KIF26B: variants seen among roughly 807,000 people sequenced by gnomAD.
KIF26B encodes the protein kinesin-like protein KIF26B.
In KIF26B, 63 loss-of-function variants were observed where a neutral mutation model predicts 151.2. That is an observed-to-expected ratio of 0.42 (90% CI 0.34 to 0.51). The LOEUF (loss-of-function observed/expected upper bound fraction) is 0.51. Ranked by LOEUF, KIF26B falls within the 20% of genes least tolerant of loss-of-function variation. The pLI, the probability that KIF26B is intolerant of heterozygous loss-of-function variation, is 0.07. For synonymous variants in KIF26B, 1,357 were observed against 1,262.1 expected, an observed-to-expected ratio of 1.08 and a Z score of -1.59; for missense variants, 2,813 against 2,913.6, an observed-to-expected ratio of 0.97 and a Z score of 0.79.
chr1:245,284,639 A>G (rs1477774004), intron 2 of KIF26B, among the ~76,000 whole-genome samples: 1 of 152,212 alleles, frequency 6.6e-6, no homozygotes, highest in Non-Finnish European at 1.5e-5. Context: ...TTAGATTCCT[A>G]TACTTCTAAA....
intron 2 of KIF26B, among the ~76,000 whole-genome samples, chr1:245,221,377 T>TAAAAA (rs74163026): frequency 7.6e-6 from 1 of 132,006 alleles, no homozygotes. Context: ...AAGTTTGAAG[T>TAAAAA]AAAAAAAAAA....
rs995179589 is a variant in KIF26B, at chr1:245,572,104, C to T, written c.1351-30473C>T. Among the ~76,000 whole-genome samples the T allele has an allele frequency of 2.0e-5, 3 of 152,274 alleles. No individual in the cohort carries two copies. Among genetic ancestry groups the T allele is most frequent in the South Asian group, 2.1e-4 (1 of 4,818 alleles). On this transcript the variant is annotated intron_variant, in intron 5 of 14. Transcript: ENST00000407071. The surrounding 1 kb of genome is among the most constrained non-coding windows in gnomAD (Gnocchi z 4.2). ...GCACAGAGTCCAGATCTCACGACCT[C>T]GCTTTGCAAAGGCTACAAGACCAAG...
At chr1:245,350,460 C>T (rs554558738) in intron 2 of KIF26B, among the ~76,000 whole-genome samples, 1 of 152,232 alleles carries the variant, frequency 6.6e-6, no homozygotes, top group East Asian at 1.9e-4. Context: ...TCCTGAAGAA[C>T]GTGTTGATTC....
At chr1:245,625,573 T>C (rs1268626327) in intron 9 of KIF26B, among the ~76,000 whole-genome samples, 2 of 152,218 alleles carry the variant, frequency 1.3e-5, no homozygotes, top group Non-Finnish European at 1.5e-5. Context: ...TGATGATCAA[T>C]CAGGGAATTT....
At chr1:245,319,559 G>C (rs1425238186) in intron 2 of KIF26B, among the ~76,000 whole-genome samples, 1 of 150,802 alleles carries the variant, frequency 6.6e-6, no homozygotes, top group African/African-American at 2.4e-5. Context: ...ATGTTTTCCT[G>C]TATCTGGATT....
chr1:245,660,573 T>C (rs558515759), intron 10 of KIF26B, among the ~76,000 whole-genome samples: 39 of 152,100 alleles, frequency 2.6e-4, no homozygotes, highest in Non-Finnish European at 5.3e-4. Flanking sequence ...ATTCCTGAGC[T>C]CAAGTGATCC....
In KIF26B at chr1:245,583,281, C is replaced by T. The variant is rs144776406; in HGVS notation, c.1351-19296C>T. Among the ~76,000 whole-genome samples, 100 of 152,276 alleles carry T rather than the reference C, an allele frequency of 6.6e-4. 2 individuals are homozygous for T. The highest frequency in any genetic ancestry group is 5.9e-4 in the Admixed American group (9 of 15,300). ...CTGAGCTCCAGTGGTGTGAAAGGCA[C>T]GTGAGCGATGCTGGGCTTGTGGAGA... On this transcript the variant is annotated intron_variant, in intron 5 of 14. Coordinates refer to ENST00000407071, the MANE Select transcript of KIF26B (RefSeq NM_018012.4).
At chr1:245,695,429 G>C (rs180768738) in intron 12 of KIF26B, among the ~76,000 whole-genome samples, 1 of 152,282 alleles carries the variant, frequency 6.6e-6, no homozygotes, top group Non-Finnish European at 1.5e-5. Flanking sequence ...AGACAGGCGC[G>C]GGGAGAGGGA....
At chr1:245,665,999 CTTTTT>C (rs33957488) in intron 10 of KIF26B, among the ~76,000 whole-genome samples, 2 of 107,412 alleles carry the variant, frequency 1.9e-5, no homozygotes, top group Middle Eastern at 8.1e-3. Context: ...ACATTATGTC[CTTTTT>C]TTTTTTTTTT....
rs148999475 is a variant in KIF26B at position 245,540,330 on chromosome 1, G to A, written c.1167-437G>A. Among the ~76,000 whole-genome samples, 221 of 152,190 alleles carry A rather than the reference G, an allele frequency of 1.5e-3. 3 individuals are homozygous for A. The East Asian group carries it at 0.027, about 19-fold the overall frequency. ...GCATGCCTTGACTGGTCTCCACATC[G>A]TTCTTCATCAGACTGGTTTGGATTT... On this transcript the variant is annotated intron_variant, in intron 4 of 14. Coordinates refer to ENST00000407071, the MANE Select transcript of KIF26B (RefSeq NM_018012.4). The surrounding 1 kb of genome is among the most constrained non-coding windows in gnomAD (Gnocchi z 4.6).
At chr1:245,689,274 C>T (rs542290014) in intron 12 of KIF26B, among the ~76,000 whole-genome samples, 1 of 152,212 alleles carries the variant, frequency 6.6e-6, no homozygotes, top group African/African-American at 2.4e-5. Flanking sequence ...GGTTTACAGC[C>T]TGTTGAGGGA....
At chr1:245,600,246 G>T (rs1476800039) in intron 5 of KIF26B, among the ~76,000 whole-genome samples, 4 of 127,242 alleles carry the variant, frequency 3.1e-5, no homozygotes, top group South Asian at 5.2e-4. Flanking sequence ...CACCGTGTTA[G>T]CCAGGATGGT....
intron 2 of KIF26B, chr1:245,282,851 C>T (rs1258373256): frequency 2.7e-5 from 6 of 225,660 alleles, no homozygotes; most frequent in Non-Finnish European, 4.9e-5. Context: ...TGTCTGTGAG[C>T]AGCAATTATT....
At chr1:245,385,652 G>A (rs704657) in intron 3 of KIF26B, among the ~76,000 whole-genome samples, 13,664 of 152,244 alleles carry the variant, frequency 0.09, 827 homozygotes, top group East Asian at 0.32. Flanking sequence ...GGCAGAGAAG[G>A]AAGGGAAAAC....
At chr1:245,476,780 C>T (rs1403789826) in intron 4 of KIF26B, among the ~76,000 whole-genome samples, 2 of 151,702 alleles carry the variant, frequency 1.3e-5, no homozygotes, top group Non-Finnish European at 2.9e-5. Context: ...CCTGCCTTAG[C>T]CTCCCAAAGT....
intron 2 of KIF26B, among the ~76,000 whole-genome samples, chr1:245,237,793 G>A (rs773572853): frequency 4.0e-5 from 6 of 148,686 alleles, no homozygotes; most frequent in African/African-American, 1.2e-4. Flanking sequence ...AGGCCAAGGC[G>A]TGAAGGTTGC....
At chr1:245,302,757 A>G (rs1008772235) in intron 2 of KIF26B, among the ~76,000 whole-genome samples, 7 of 152,086 alleles carry the variant, frequency 4.6e-5, no homozygotes, top group Admixed American at 1.3e-4. Flanking sequence ...TTGGGAGGCC[A>G]AGGTGGGCGG....
At chr1:245,452,874 C>A (rs1659430241) in intron 4 of KIF26B, among the ~76,000 whole-genome samples, 2 of 152,034 alleles carry the variant, frequency 1.3e-5, no homozygotes, top group Non-Finnish European at 2.9e-5. Context: ...TTCTTCCATT[C>A]TATAGTTTGT....
chr1:245,338,581 C>T (rs775818398), intron 2 of KIF26B, among the ~76,000 whole-genome samples: 8 of 152,200 alleles, frequency 5.3e-5, no homozygotes, highest in South Asian at 2.1e-4. Context: ...TGAACACATA[C>T]GCATTTCTGT....
Sources: gnomAD v4.1 joint callset for allele counts (sites outside exome capture counted in the v4.1 genomes callset) on GRCh38, gnomAD v4.1.1 for gene constraint, Gnocchi (gnomAD v3.1) non-coding constraint, MANE v1.5 for transcripts, NCBI Gene and HGNC (gene_info 2026-07-23, HGNC 2026-07-21) for gene names.